Variants in GALNT17 observed in about 807,000 individuals in gnomAD.
GALNT17 encodes UDP-GalNAc:polypeptide N-acetylgalactosaminyltransferase-like 3.
Under a neutral mutation model 63.7 loss-of-function variants are expected in GALNT17, and 29 were observed. The observed-to-expected ratio is 0.46, with a 90% CI of 0.34 to 0.62. GALNT17 has a LOEUF of 0.62. Among genes scored for constraint, GALNT17 ranks in the 20% least tolerant of loss-of-function variants. GALNT17 has a pLI of 0.01. For synonymous variants in GALNT17, 305 were observed against 318.3 expected, an observed-to-expected ratio of 0.96 and a Z score of 0.45; for missense variants, 603 against 799.6, an observed-to-expected ratio of 0.75 and a Z score of 2.97.
chr7:71,431,209 C>CTTT (rs1265130879), intron 5 of GALNT17, among the ~76,000 whole-genome samples: 23 of 115,082 alleles, frequency 2.0e-4, no homozygotes, highest in South Asian at 2.7e-4. Flanking sequence ...CTTTTCTTTT[C>CTTT]TTTTTTTTTT....
chr7:71,386,111 C>G (rs1792938400), intron 2 of GALNT17, among the ~76,000 whole-genome samples: 1 of 152,192 alleles, frequency 6.6e-6, no homozygotes, highest in Non-Finnish European at 1.5e-5. Flanking sequence ...TCACTGTAAT[C>G]TCCCTGGCAG....
chr7:71,578,339 A>G (rs939933679), intron 6 of GALNT17, among the ~76,000 whole-genome samples: 29 of 151,972 alleles, frequency 1.9e-4, no homozygotes, highest in African/African-American at 5.8e-4. Flanking sequence ...CCCGGCCTAC[A>G]ATTTTTATAT....
Position 71,288,029 on chromosome 7 carries a change from T to C in GALNT17, c.239-47521T>C, listed in dbSNP as rs1423447208. 1.7e-3 allele frequency among the ~76,000 whole-genome samples: 213 copies of C among 122,930 alleles called. 1 individual carries two copies. Among genetic ancestry groups the C allele is most frequent in the African/African-American group, 7.1e-3 (193 of 27,266 alleles). 80.6% of individuals were successfully genotyped at this position (122,930 alleles called of 152,430 possible). On this transcript the variant is annotated intron_variant, in intron 1 of 10. Coordinates refer to ENST00000333538, the MANE Select transcript of GALNT17 (RefSeq NM_022479.3). ...ATCACACCACTTCACTCCAGACTGG[T>C]GACAGAGCGAGACTGTCTCAAAAAA...
At chr7:71,335,904 A>G (rs925147161) in intron 2 of GALNT17, among the ~76,000 whole-genome samples, 171 bp downstream of exon 2, 1 of 152,218 alleles carries the variant, frequency 6.6e-6, no homozygotes, top group Admixed American at 6.5e-5. Flanking sequence ...AAGATTAGCT[A>G]AACAAAAAAG....
intron 1 of GALNT17, 59 bp from the exon 2 acceptor site, chr7:71,335,491 A>G: frequency 6.9e-7 from 1 of 1,451,022 alleles, no homozygotes; most frequent in Non-Finnish European, 9.2e-7. Context: ...GCGGAGATTG[A>G]GTAATACATC....
At chr7:71,234,754 C>T (rs191789463) in intron 1 of GALNT17, among the ~76,000 whole-genome samples, 6 of 152,212 alleles carry the variant, frequency 3.9e-5, no homozygotes, top group African/African-American at 1.2e-4. Flanking sequence ...GAACCAGATG[C>T]GTTATTTCCA....
chr7:71,571,877 A>G (rs1030468281), intron 6 of GALNT17, among the ~76,000 whole-genome samples: 1 of 151,888 alleles, frequency 6.6e-6, no homozygotes, highest in Non-Finnish European at 1.5e-5. Context: ...GCCAAGCGTG[A>G]TGGTGCATGT....
chr7:71,333,943 AGAGTT>A (rs1791851519), intron 1 of GALNT17, among the ~76,000 whole-genome samples: 1 of 152,132 alleles, frequency 6.6e-6, no homozygotes, highest in Non-Finnish European at 1.5e-5. Flanking sequence ...AGTTTTGAGC[AGAGTT>A]CAGGGGTTGT....
chr7:71,389,646 A>C (rs994358581), intron 3 of GALNT17, among the ~76,000 whole-genome samples: 1 of 152,168 alleles, frequency 6.6e-6, no homozygotes, highest in African/African-American at 2.4e-5. Flanking sequence ...TCTTCTCATT[A>C]GCTAAAGCAG....
At chr7:71,168,872 G>A (rs763329739) in intron 1 of GALNT17, among the ~76,000 whole-genome samples, 1 of 152,088 alleles carries the variant, frequency 6.6e-6, no homozygotes, top group African/African-American at 2.4e-5. Flanking sequence ...TTCTGCAGGT[G>A]GGGATAAACT....
chr7:71,523,988 C>G (rs920451579), intron 5 of GALNT17, among the ~76,000 whole-genome samples: 1 of 149,898 alleles, frequency 6.7e-6, no homozygotes, highest in Non-Finnish European at 1.5e-5. Context: ...TGTGGTGGCA[C>G]AGGCCTGTAA....
At chr7:71,621,529 G>T (rs376437203) in intron 6 of GALNT17, among the ~76,000 whole-genome samples, 2,214 of 100,728 alleles carry the variant, frequency 0.022, 70 homozygotes, top group African/African-American at 0.083. Context: ...ATGGATGGAT[G>T]GATGGATTGA....
At chr7:71,201,830 A>G (rs1427569149) in intron 1 of GALNT17, among the ~76,000 whole-genome samples, 1 of 151,938 alleles carries the variant, frequency 6.6e-6, no homozygotes, top group African/African-American at 2.4e-5. Context: ...ACGGGGTTTC[A>G]CCATGTTGGC....
At chr7:71,374,020 A>G (rs1792676196) in intron 2 of GALNT17, among the ~76,000 whole-genome samples, 1 of 152,206 alleles carries the variant, frequency 6.6e-6, no homozygotes, top group South Asian at 2.1e-4. Flanking sequence ...AAGTGCTAAA[A>G]TTGTTTCCAT....
At chr7:71,440,791 C>T (rs1787051899) in intron 5 of GALNT17, among the ~76,000 whole-genome samples, 1 of 152,154 alleles carries the variant, frequency 6.6e-6, no homozygotes, top group South Asian at 2.1e-4. Flanking sequence ...TGTTCTCAAA[C>T]CCAAACAGCC....
At chr7:71,174,162 G>C (rs1365186449) in intron 1 of GALNT17, among the ~76,000 whole-genome samples, 1 of 152,232 alleles carries the variant, frequency 6.6e-6, no homozygotes, top group Non-Finnish European at 1.5e-5. Flanking sequence ...TAGCCTCTCA[G>C]AGTGCTACTG....
intron 5 of GALNT17, among the ~76,000 whole-genome samples, chr7:71,497,321 A>C (rs1476314455): frequency 6.6e-6 from 1 of 152,016 alleles, no homozygotes; most frequent in Non-Finnish European, 1.5e-5. Flanking sequence ...TTTTTTCACA[A>C]CTCTGGAGGC....
rs537493844 is a variant in GALNT17 at position 71,173,992 on chromosome 7, A to G, written c.238+40952A>G. 3.3e-5 allele frequency among the ~76,000 whole-genome samples: 5 copies of G among 152,250 alleles called. No homozygotes were observed. In the East Asian group the frequency reaches 5.8e-4, roughly 18 times the overall value. Reference sequence around the variant, plus strand: ...AACTGGGAAGAGGAGGACTAAATACACTTGTGTCTGAACCAACTTCTTCTG... The same window carrying G: ...AACTGGGAAGAGGAGGACTAAATACGCTTGTGTCTGAACCAACTTCTTCTG... On this transcript the variant is annotated intron_variant, in intron 1 of 10. Coordinates refer to ENST00000333538, the MANE Select transcript of GALNT17 (RefSeq NM_022479.3).
intron 6 of GALNT17, among the ~76,000 whole-genome samples, chr7:71,585,406 C>T (rs1470045744): frequency 6.6e-6 from 1 of 152,214 alleles, no homozygotes; most frequent in Non-Finnish European, 1.5e-5. Flanking sequence ...TTAGACTCTA[C>T]ACTCATTCTG....
Sources: gnomAD v4.1 joint callset for allele counts (sites outside exome capture counted in the v4.1 genomes callset) on GRCh38, gnomAD v4.1.1 for gene constraint, MANE v1.5 for transcripts, NCBI Gene and HGNC (gene_info 2026-07-23, HGNC 2026-07-21) for gene names.